Variants in DIP2C observed in about 807,000 individuals in gnomAD.
DIP2C encodes the protein disco-interacting protein 2 homolog C.
DIP2C carries 33 observed loss-of-function variants against 192.4 expected under a neutral mutation model. The ratio of observed to expected loss-of-function variants is 0.17; its 90% CI spans 0.13 to 0.23. DIP2C has a LOEUF of 0.23. DIP2C is among the 10% of genes least tolerant of loss of function. The pLI, the probability that DIP2C is intolerant of heterozygous loss-of-function variation, is 1.00. For missense variants in DIP2C, 1,537 were observed against 2,110.1 expected (o/e 0.73, Z 5.32); for synonymous variants, 979 against 864.1 (o/e 1.13, Z -2.33).
intron 1 of DIP2C, among the ~76,000 whole-genome samples, chr10:600,171 G>C (rs1003335730): frequency 1.1e-4 from 16 of 152,186 alleles, no homozygotes; most frequent in Admixed American, 2.6e-4. Flanking sequence ...GGAAATAAGA[G>C]GGAAGACATT....
At chr10:558,570 T>C (rs1849031821) in intron 1 of DIP2C, among the ~76,000 whole-genome samples, 1 of 151,740 alleles carries the variant, frequency 6.6e-6, no homozygotes, top group South Asian at 2.1e-4. Flanking sequence ...ACAACCACCC[T>C]GCCATGCCAG....
intron 1 of DIP2C, among the ~76,000 whole-genome samples, chr10:609,238 A>G (rs1852893558): frequency 6.6e-6 from 1 of 152,212 alleles, no homozygotes; most frequent in Non-Finnish European, 1.5e-5. Context: ...CCTTACAGGA[A>G]CTTTCCAAAA....
intron 10 of DIP2C, among the ~76,000 whole-genome samples, chr10:394,240 G>A (rs561524231): frequency 5.9e-4 from 90 of 152,300 alleles, no homozygotes; most frequent in Non-Finnish European, 1.1e-3. Flanking sequence ...CAGCGAGGAG[G>A]GAAGCCGGGC....
intron 31 of DIP2C, among the ~76,000 whole-genome samples, chr10:318,097 T>C (rs369006701): frequency 1.3e-5 from 2 of 152,030 alleles, no homozygotes; most frequent in Admixed American, 1.3e-4. Flanking sequence ...CCTGGGGCTA[T>C]GGAGATGCGT....
intron 23 of DIP2C, among the ~76,000 whole-genome samples, chr10:357,398 G>A (rs956093339): frequency 5.3e-5 from 8 of 152,142 alleles, no homozygotes; most frequent in Non-Finnish European, 1.0e-4. Context: ...CTTTGAATCC[G>A]GGCTGGTGGG....
intron 3 of DIP2C, among the ~76,000 whole-genome samples, chr10:443,039 A>C (rs1256714034): frequency 6.6e-6 from 1 of 152,204 alleles, no homozygotes; most frequent in East Asian, 1.9e-4. Context: ...AAGAGTATGC[A>C]TTTTAGCAGG....
At chr10:455,303 CA>C (rs1969200434) in intron 3 of DIP2C, among the ~76,000 whole-genome samples, 1 of 144,768 alleles carries the variant, frequency 6.9e-6, no homozygotes, top group Non-Finnish European at 1.5e-5. Context: ...AAACACTCTG[CA>C]GTGAGTCCCT....
chr10:400,228 G>A (rs1193350872), intron 9 of DIP2C, among the ~76,000 whole-genome samples: 1 of 152,102 alleles, frequency 6.6e-6, no homozygotes, highest in Non-Finnish European at 1.5e-5. Flanking sequence ...TCGTTATGTT[G>A]CCCAGGCTGG....
chr10:473,749 A>G (rs1394124630), intron 2 of DIP2C, among the ~76,000 whole-genome samples: 1 of 152,282 alleles, frequency 6.6e-6, no homozygotes, highest in Non-Finnish European at 1.5e-5. Context: ...ATGGATCAGT[A>G]ATATCTGATT....
rs1304506975 is a variant in DIP2C, at chr10:689,655, G to A, written c.-77C>T. ...GTCTCGGCGGCTCCTCGCGCCCGGCGGAACCGCACCGAGGAGGAGGCGGCG... is the reference window on the plus strand; with the variant it reads ...GTCTCGGCGGCTCCTCGCGCCCGGCAGAACCGCACCGAGGAGGAGGCGGCG... On this transcript the variant is annotated 5_prime_UTR_variant, in exon 1 of 37. Transcript: ENST00000280886. This position sits in a 1 kb window ranked among gnomAD's most constrained non-coding sequence, Gnocchi z 6.1. 1.2e-5 allele frequency: 12 copies of A among 983,076 alleles called. No homozygotes were observed. The highest frequency in any genetic ancestry group is 7.0e-5 in the East Asian group (1 of 14,250). 60.9% of individuals were successfully genotyped at this position (983,076 alleles called of 1,614,324 possible). A position where few individuals can be genotyped will look rare whatever the true frequency, so the allele number is the denominator to read the frequency against.
At chr10:477,959 AAG>A (rs1317857412) in intron 2 of DIP2C, among the ~76,000 whole-genome samples, 1 of 93,458 alleles carries the variant, frequency 1.1e-5, no homozygotes, top group Non-Finnish European at 2.1e-5. Flanking sequence ...AAGGAAAGAA[AAG>A]AGAAGGAAGG....
chr10:419,975 C>T (rs1966069674), intron 5 of DIP2C, among the ~76,000 whole-genome samples: 1 of 152,214 alleles, frequency 6.6e-6, no homozygotes, highest in Admixed American at 6.5e-5. Flanking sequence ...ATGTGCCAAG[C>T]AGCCCACTGA....
chr10:529,917 C>G (rs1043520522), intron 1 of DIP2C, among the ~76,000 whole-genome samples: 1 of 152,222 alleles, frequency 6.6e-6, no homozygotes, highest in Non-Finnish European at 1.5e-5. Flanking sequence ...GAAGCTGGGA[C>G]CAACAGGCAA....
rs1954490808 is a variant in DIP2C, at chr10:275,900, T to C, written c.*1425A>G. ...TCTGGCATGAACCCCCGGGGAACTG[T>C]GCTCACTGAGCGAGGGAGCCCCAGA... is the stretch of plus-strand genomic sequence containing the variant. On this transcript the variant is annotated 3_prime_UTR_variant, in exon 37 of 37. Transcript: ENST00000280886. 6.6e-6 allele frequency: 1 copy of C among 152,174 alleles called. No homozygotes were observed. Among genetic ancestry groups the C allele is most frequent in the South Asian group, 2.1e-4 (1 of 4,826 alleles). 9.4% of individuals were successfully genotyped at this position (152,174 alleles called of 1,614,324 possible). A position where few individuals can be genotyped will look rare whatever the true frequency, so the allele number is the denominator to read the frequency against.
intron 2 of DIP2C, among the ~76,000 whole-genome samples, chr10:475,190 G>A (rs898714696): frequency 1.3e-5 from 2 of 152,124 alleles, no homozygotes; most frequent in African/African-American, 2.4e-5. Flanking sequence ...AAAAGCGGCC[G>A]CCTGCTTCCT....
intron 1 of DIP2C, among the ~76,000 whole-genome samples, chr10:519,376 ACTG>A (rs1415050757): frequency 6.6e-6 from 1 of 152,250 alleles, no homozygotes; most frequent in African/African-American, 2.4e-5. Flanking sequence ...CAAAGCCTGC[ACTG>A]CTGAGTTTTC....
At chr10:569,785 G>C (rs571420806) in intron 1 of DIP2C, among the ~76,000 whole-genome samples, 3 of 152,134 alleles carry the variant, frequency 2.0e-5, no homozygotes, top group Non-Finnish European at 4.4e-5. Context: ...GGGTAGGGAG[G>C]AGAGAGGATG....
At position 588,694 on chromosome 10, in the gene DIP2C, G is replaced by A. The variant is rs368653896; in HGVS notation, c.85+100800C>T. Among the ~76,000 whole-genome samples, 15 of 152,174 alleles carry A rather than the reference G, an allele frequency of 9.9e-5. No homozygotes were observed. In the East Asian group the frequency reaches 1.4e-3, roughly 14 times the overall value. ...GACAGTCGTGAGGCAGGCAGCCTTC[G>A]AGCTCCTCCAGCTGCCGTCCCGCAG... On this transcript the variant is annotated intron_variant, in intron 1 of 36. Coordinates refer to ENST00000280886, the MANE Select transcript of DIP2C (RefSeq NM_014974.3).
At chr10:553,124 C>A (rs1848665407) in intron 1 of DIP2C, among the ~76,000 whole-genome samples, 1 of 152,226 alleles carries the variant, frequency 6.6e-6, no homozygotes. Context: ...GTTTTCCTGA[C>A]CTCCCTAAGA....
Sources: gnomAD v4.1 joint callset for allele counts (sites outside exome capture counted in the v4.1 genomes callset) on GRCh38, gnomAD v4.1.1 for gene constraint, Gnocchi (gnomAD v3.1) non-coding constraint, MANE v1.5 for transcripts, NCBI Gene and HGNC (gene_info 2026-07-23, HGNC 2026-07-21) for gene names.